METTL16: variants seen among roughly 807,000 people sequenced by gnomAD.
METTL16 encodes the protein methyltransferase 16, RNA N6-adenosine.
Under a neutral mutation model 57.9 loss-of-function variants are expected in METTL16, and 19 were observed. That is an observed-to-expected ratio of 0.33 (90% CI 0.23 to 0.48). The LOEUF (loss-of-function observed/expected upper bound fraction) is 0.48. METTL16 is among the 20% of genes least tolerant of loss of function. The pLI is 0.99. For missense variants in METTL16, 434 were observed against 691.5 expected (o/e 0.63, Z 4.18); for synonymous variants, 246 against 255.6 (o/e 0.96, Z 0.36).
chr17:2,505,431 T>A (rs914532595), intron 1 of METTL16, among the ~76,000 whole-genome samples: 21 of 92,610 alleles, frequency 2.3e-4, no homozygotes, highest in South Asian at 1.2e-3. Context: ...TTTTTTTTTT[T>A]AGATACATGG....
At chr17:2,481,349 A>G (rs937247182) in intron 2 of METTL16, among the ~76,000 whole-genome samples, 1 of 152,196 alleles carries the variant, frequency 6.6e-6, no homozygotes, top group Non-Finnish European at 1.5e-5. Context: ...AGTAAAATGA[A>G]GAAATCTGAC....
intron 8 of METTL16, among the ~76,000 whole-genome samples, chr17:2,433,231 T>A (rs1328822164): frequency 6.6e-6 from 1 of 152,160 alleles, no homozygotes; most frequent in East Asian, 1.9e-4. Context: ...GAACAGGGTA[T>A]GAGCAAAGGC....
chr17:2,425,493 C>G (rs1429319629), intron 8 of METTL16, among the ~76,000 whole-genome samples: 15 of 152,138 alleles, frequency 9.9e-5, no homozygotes, highest in Admixed American at 9.8e-4. Context: ...CGTAGGTCTG[C>G]AGAGACCACA....
intron 2 of METTL16, among the ~76,000 whole-genome samples, chr17:2,482,672 C>T (rs1228835616): frequency 6.6e-6 from 1 of 152,138 alleles, no homozygotes; most frequent in Non-Finnish European, 1.5e-5. Flanking sequence ...TTTGGGAGGC[C>T]GAGGTGGGCG....
intron 1 of METTL16, among the ~76,000 whole-genome samples, chr17:2,509,395 G>A (rs1020697212): frequency 9.9e-5 from 15 of 152,020 alleles, no homozygotes; most frequent in Non-Finnish European, 1.5e-4. Flanking sequence ...AGGAAAGAGG[G>A]GAGCATAAAA....
intron 7 of METTL16, 72 bp downstream of exon 7, chr17:2,441,418 G>C: frequency 8.9e-7 from 1 of 1,117,778 alleles, no homozygotes; most frequent in Non-Finnish European, 1.3e-6. Context: ...TATCAATGTA[G>C]CAAAACTGTA....
chr17:2,432,911 A>C (rs756682800), intron 8 of METTL16, among the ~76,000 whole-genome samples: 1 of 152,202 alleles, frequency 6.6e-6, no homozygotes, highest in Non-Finnish European at 1.5e-5. Flanking sequence ...GAGGAAACTG[A>C]AGTTTAGCGA....
Position 2,420,726 on chromosome 17 carries a change from G to A in METTL16, c.1062+5C>T, listed in dbSNP as rs767158996. 27 of 1,611,500 alleles carry A rather than the reference G, an allele frequency of 1.7e-5. No homozygotes were observed. The highest frequency in any genetic ancestry group is 2.2e-5 in the Non-Finnish European group (26 of 1,179,094). Reference sequence around the variant, plus strand: ...AGTACTTCGTCAATATGGTTAAGCAGGTACCTTCAAATCAGTGAGAATTTT... The same window carrying A: ...AGTACTTCGTCAATATGGTTAAGCAAGTACCTTCAAATCAGTGAGAATTTT... On this transcript the variant is annotated splice_donor_5th_base_variant and intron_variant, in intron 9 of 9. Transcript: ENST00000263092. The surrounding 1 kb of genome is among the most constrained non-coding windows in gnomAD (Gnocchi z 5.4).
intron 8 of METTL16, among the ~76,000 whole-genome samples, chr17:2,426,858 G>A (rs1174788156): frequency 2.6e-5 from 4 of 151,766 alleles, no homozygotes; most frequent in African/African-American, 9.7e-5. Context: ...AAATGGGTCA[G>A]GCACGGTGGC....
chr17:2,441,640 T>C (rs543033464), intron 6 of METTL16, 81 bp from the exon 7 acceptor site: 5 of 804,600 alleles, frequency 6.2e-6, no homozygotes, highest in African/African-American at 5.3e-5. Context: ...GTGAATAAGA[T>C]GAGAACAGTA....
chr17:2,459,229 C>G (rs1597454325), intron 6 of METTL16, among the ~76,000 whole-genome samples: 1 of 152,316 alleles, frequency 6.6e-6, no homozygotes, highest in East Asian at 1.9e-4. Flanking sequence ...TTCACAGAGT[C>G]CAACTGCAGC....
intron 2 of METTL16, among the ~76,000 whole-genome samples, chr17:2,499,782 C>G (rs1029070025): frequency 6.6e-6 from 1 of 151,790 alleles, no homozygotes; most frequent in African/African-American, 2.4e-5. Flanking sequence ...GAGATAGAGT[C>G]TCATTCTGTT....
At chr17:2,510,324 T>C (rs191650731) in intron 1 of METTL16, among the ~76,000 whole-genome samples, 92 of 152,206 alleles carry the variant, frequency 6.0e-4, no homozygotes, top group Non-Finnish European at 1.2e-3. Context: ...CTCCTAGCTA[T>C]TTTGAAATAT....
intron 2 of METTL16, 72 bp downstream of exon 2, chr17:2,502,132 G>C: frequency 6.7e-7 from 1 of 1,493,614 alleles, no homozygotes; most frequent in Non-Finnish European, 9.2e-7. Flanking sequence ...TTAACACTCA[G>C]GTGGGCTTTC....
chr17:2,448,781 T>TAAAAAAAAAAA (rs1369462081), intron 6 of METTL16, among the ~76,000 whole-genome samples: 1 of 33,694 alleles, frequency 3.0e-5, no homozygotes, highest in African/African-American at 9.8e-5. Flanking sequence ...AATAAAAAAA[T>TAAAAAAAAAAA]AAAAAAATAA....
intron 3 of METTL16, among the ~76,000 whole-genome samples, chr17:2,476,057 G>A (rs1475562757): frequency 6.6e-6 from 1 of 152,208 alleles, no homozygotes; most frequent in Non-Finnish European, 1.5e-5. Flanking sequence ...GTATTTAAGA[G>A]ACAAAGTCAA....
intron 2 of METTL16, among the ~76,000 whole-genome samples, chr17:2,493,357 G>A (rs1401872879): frequency 6.6e-6 from 1 of 150,560 alleles, no homozygotes; most frequent in African/African-American, 2.4e-5. Flanking sequence ...CCAAAGTGCT[G>A]GAATTACAGG....
chr17:2,474,386 GAAAAAAAA>G (rs752477163), intron 3 of METTL16, among the ~76,000 whole-genome samples: 4 of 60,256 alleles, frequency 6.6e-5, no homozygotes, highest in South Asian at 7.2e-4. Context: ...GAAACAAAAA[GAAAAAAAA>G]AAAAAAAAAA....
intron 2 of METTL16, among the ~76,000 whole-genome samples, chr17:2,494,934 G>A (rs1358133700): frequency 6.6e-6 from 1 of 151,864 alleles, no homozygotes; most frequent in African/African-American, 2.4e-5. Context: ...GGAGCCGGAG[G>A]TTGCACATCT....
Sources: gnomAD v4.1 joint callset for allele counts (sites outside exome capture counted in the v4.1 genomes callset) on GRCh38, gnomAD v4.1.1 for gene constraint, Gnocchi (gnomAD v3.1) non-coding constraint, MANE v1.5 for transcripts, NCBI Gene and HGNC (gene_info 2026-07-23, HGNC 2026-07-21) for gene names.